Variants in GPC6 observed in about 807,000 individuals in gnomAD.
GPC6 encodes the protein glypican 6.
Under a neutral mutation model 55.2 loss-of-function variants are expected in GPC6, and 14 were observed. The ratio of observed to expected loss-of-function variants is 0.25; its 90% CI spans 0.17 to 0.40. The LOEUF is 0.40. Among genes scored for constraint, GPC6 ranks in the 10% least tolerant of loss-of-function variants. GPC6 has a pLI of 1.00. For missense variants in GPC6, 641 were observed against 708.5 expected (o/e 0.90, Z 1.08); for synonymous variants, 278 against 259.6 (o/e 1.07, Z -0.68).
rs373270673 is a variant in GPC6, at chr13:93,470,190, G to A, written c.161-75073G>A. Among the ~76,000 whole-genome samples, 5 of 152,040 alleles carry A rather than the reference G, an allele frequency of 3.3e-5. No homozygotes were observed. In the East Asian group the frequency reaches 9.7e-4, roughly 29 times the overall value. ...TTTTTTTTTCTTGTCTTATTGAAGT[G>A]GCTAGGATTACTCAGGACAGTGTTC... On this transcript the variant is annotated intron_variant, in intron 1 of 8. Coordinates refer to ENST00000377047, the MANE Select transcript of GPC6 (RefSeq NM_005708.5).
intron 2 of GPC6, among the ~76,000 whole-genome samples, chr13:93,585,617 A>C (rs573205000): frequency 6.6e-6 from 1 of 152,340 alleles, no homozygotes; most frequent in East Asian, 1.9e-4. Flanking sequence ...TCAGTAATTA[A>C]TCTTAAAAGA....
At position 93,276,489 on chromosome 13, in the gene GPC6, A is replaced by T. The variant is rs1316528632; in HGVS notation, c.160+48873A>T. Reference sequence around the variant, plus strand: ...GAGAGAGAGAGAGAGAGAGAGAGAGAGAGAGAGTGTGTGTGTGTGTGTGTG... The same window carrying T: ...GAGAGAGAGAGAGAGAGAGAGAGAGTGAGAGAGTGTGTGTGTGTGTGTGTG... On this transcript the variant is annotated intron_variant, in intron 1 of 8. Transcript: ENST00000377047. Among the ~76,000 whole-genome samples, 177 of 131,368 alleles carry T rather than the reference A, an allele frequency of 1.3e-3. 2 individuals carry two copies. Among genetic ancestry groups the T allele is most frequent in the African/African-American group, 2.2e-3 (69 of 30,978 alleles). The allele number at this position is 131,368 out of a possible 152,430, so 86.2% of individuals were successfully genotyped here. A position where few individuals can be genotyped will look rare whatever the true frequency, so the allele number is the denominator to read the frequency against.
intron 4 of GPC6, among the ~76,000 whole-genome samples, chr13:94,119,559 A>G (rs1409800070): frequency 6.6e-6 from 1 of 152,076 alleles, no homozygotes; most frequent in Non-Finnish European, 1.5e-5. Context: ...CCAGGTAAGA[A>G]TCGTTTCTCC....
intron 2 of GPC6, among the ~76,000 whole-genome samples, chr13:93,634,839 T>A: frequency 6.6e-6 from 1 of 152,094 alleles, no homozygotes; most frequent in East Asian, 1.9e-4. Flanking sequence ...CCAGCAAGTG[T>A]GAGGGTGTGA....
rs1207083920 is a variant in GPC6, at chr13:93,545,329, G to C, written c.227G>C (p.Ser76Thr). 3.7e-6 allele frequency: 6 copies of C among 1,613,630 alleles called. No individual in the cohort carries two copies. In the Middle Eastern group the frequency reaches 6.6e-4, roughly 178 times the overall value. The change falls in exon 2 of 9, where the codon AGC becomes ACC. Residue 76 changes from serine to threonine, a missense_variant. Coordinates refer to ENST00000377047, the MANE Select transcript of GPC6 (RefSeq NM_005708.5). The part of the protein sequence containing the change: ...CCTTEMEDKL[S>T]QQSKLEFENL... ...ACCACAGAAATGGAAGACAAGTTAAGCCAACAAAGCAAACTCGAATTTGAA... is the reference window on the plus strand; with the variant it reads ...ACCACAGAAATGGAAGACAAGTTAACCCAACAAAGCAAACTCGAATTTGAA...
intron 2 of GPC6, among the ~76,000 whole-genome samples, chr13:93,729,856 G>A (rs1883763368): frequency 6.6e-6 from 1 of 152,150 alleles, no homozygotes; most frequent in African/African-American, 2.4e-5. Flanking sequence ...AAAAACAGTT[G>A]CCATATGCAA....
intron 4 of GPC6, among the ~76,000 whole-genome samples, chr13:94,233,211 A>T (rs1380374917): frequency 2.0e-5 from 3 of 151,990 alleles, no homozygotes; most frequent in Admixed American, 1.3e-4. Flanking sequence ...GTATAAAGGA[A>T]ATTTTTTTGG....
intron 5 of GPC6, among the ~76,000 whole-genome samples, chr13:94,287,682 G>A (rs1157633497): frequency 1.3e-5 from 2 of 152,084 alleles, no homozygotes; most frequent in Non-Finnish European, 2.9e-5. Flanking sequence ...ATCACCTGTT[G>A]GGGAAATAGC....
chr13:93,434,872 C>T (rs952883664), intron 1 of GPC6, among the ~76,000 whole-genome samples: 3 of 151,770 alleles, frequency 2.0e-5, no homozygotes, highest in Non-Finnish European at 4.4e-5. Context: ...ATGCCCAGTT[C>T]ATGTTTGTAT....
intron 2 of GPC6, among the ~76,000 whole-genome samples, chr13:93,579,887 A>G (rs1359698546): frequency 6.6e-6 from 1 of 152,146 alleles, no homozygotes; most frequent in Non-Finnish European, 1.5e-5. Flanking sequence ...CCAGTTTTCC[A>G]TTATCCATAG....
intron 4 of GPC6, among the ~76,000 whole-genome samples, chr13:94,038,901 A>C (rs1883430914): frequency 6.6e-6 from 1 of 151,992 alleles, no homozygotes; most frequent in African/African-American, 2.4e-5. Context: ...CTAATTGTTA[A>C]TCAGTCAGAA....
At chr13:94,067,844 T>C (rs545556394) in intron 4 of GPC6, among the ~76,000 whole-genome samples, 1 of 152,210 alleles carries the variant, frequency 6.6e-6, no homozygotes, top group South Asian at 2.1e-4. Context: ...AATCCTCTGG[T>C]TTTCTAGCCT....
intron 1 of GPC6, among the ~76,000 whole-genome samples, chr13:93,357,254 T>C (rs1188470953): frequency 6.6e-6 from 1 of 152,230 alleles, no homozygotes; most frequent in African/African-American, 2.4e-5. Context: ...GTTAGCTTAT[T>C]TTAAAAGGTA....
Position 94,364,497 on chromosome 13 carries a change from T to C in GPC6, c.1153-17917T>C, listed in dbSNP as rs150170101. ...TCCCCATGGTGACATTTGTACTCATTAAGTACTTCCAGTTCCAAGTGCCCT... is the reference window on the plus strand; with the variant it reads ...TCCCCATGGTGACATTTGTACTCATCAAGTACTTCCAGTTCCAAGTGCCCT... On this transcript the variant is annotated intron_variant, in intron 6 of 8. Transcript: ENST00000377047. Among the ~76,000 whole-genome samples the C allele has an allele frequency of 2.7e-3, 413 of 152,348 alleles. 1 individual carries two copies. Among genetic ancestry groups the C allele is most frequent in the African/African-American group, 9.5e-3 (395 of 41,572 alleles).
chr13:93,790,335 A>C (rs972067465), intron 2 of GPC6, among the ~76,000 whole-genome samples: 5 of 152,194 alleles, frequency 3.3e-5, no homozygotes, highest in African/African-American at 9.6e-5. Flanking sequence ...ATTCTTGGTT[A>C]ATTTTTGTAA....
At chr13:93,689,455 TAGG>T (rs1455092480) in intron 2 of GPC6, among the ~76,000 whole-genome samples, 1 of 152,034 alleles carries the variant, frequency 6.6e-6, no homozygotes, top group Admixed American at 6.6e-5. Context: ...TCAAGCACAT[TAGG>T]GGGGATTAAT....
rs1257009880 is a variant in GPC6, at chr13:94,276,457, G to A, written c.878-9892G>A. Among the ~76,000 whole-genome samples the A allele has an allele frequency of 2.8e-5, 4 of 144,260 alleles. No individual in the cohort carries two copies. The East Asian group carries it at 6.1e-4, about 22-fold the overall frequency. 94.6% of individuals were successfully genotyped at this position (144,260 alleles called of 152,430 possible). A position where few individuals can be genotyped will look rare whatever the true frequency, so the allele number is the denominator to read the frequency against. ...AGGTAGGTAGGGACCAGCGTATGAA[G>A]GGCCTTTCTCATTTTTATTTTTATT... On this transcript the variant is annotated intron_variant, in intron 4 of 8. Transcript: ENST00000377047.
At chr13:94,182,561 A>T (rs1257961471) in intron 4 of GPC6, among the ~76,000 whole-genome samples, 1 of 152,172 alleles carries the variant, frequency 6.6e-6, no homozygotes, top group Non-Finnish European at 1.5e-5. Flanking sequence ...CTTTCTCACA[A>T]TTGGGAGTAG....
At chr13:93,613,199 A>G (rs1878560598) in intron 2 of GPC6, among the ~76,000 whole-genome samples, 2 of 152,176 alleles carry the variant, frequency 1.3e-5, no homozygotes, top group Non-Finnish European at 2.9e-5. Context: ...CTTTACAACC[A>G]ATGCCACTAG....
Sources: allele counts gnomAD v4.1 joint callset (sites outside exome capture counted in the v4.1 genomes callset), GRCh38; gene constraint gnomAD v4.1.1; transcripts MANE v1.5; gene names NCBI Gene and HGNC (gene_info 2026-07-23, HGNC 2026-07-21).